ZNF385B: variants seen among roughly 807,000 people sequenced by gnomAD.
ZNF385B encodes the protein zinc finger protein 533.
A neutral mutation model predicts 39.2 loss-of-function variants in ZNF385B; 23 were observed. The observed-to-expected ratio is 0.59, with a 90% CI of 0.42 to 0.83. The LOEUF is 0.83. Ranked by LOEUF, ZNF385B falls within the 40% of genes least tolerant of loss-of-function variation. The probability of loss-of-function intolerance (pLI) is 0.00; values close to 1 mark genes in which losing one functional copy is unlikely to be tolerated. For synonymous variants in ZNF385B, 205 were observed against 222.6 expected (o/e 0.92, Z 0.70); for missense variants, 552 against 598.9 (o/e 0.92, Z 0.82).
At chr2:179,624,362 G>A (rs187777620) in intron 3 of ZNF385B, among the ~76,000 whole-genome samples, 3 of 152,206 alleles carry the variant, frequency 2.0e-5, no homozygotes, top group East Asian at 1.9e-4. Flanking sequence ...CTTTCAAGGT[G>A]TAGAAGTGAT....
intron 5 of ZNF385B, among the ~76,000 whole-genome samples, chr2:179,492,393 G>T (rs1017466808): frequency 1.2e-4 from 18 of 152,088 alleles, no homozygotes; most frequent in African/African-American, 4.1e-4. Flanking sequence ...TCTTCTGATG[G>T]TCTTTTAAAT....
At chr2:179,516,788 C>G (rs1415004585) in intron 5 of ZNF385B, among the ~76,000 whole-genome samples, 2 of 152,026 alleles carry the variant, frequency 1.3e-5, no homozygotes, top group Non-Finnish European at 2.9e-5. Flanking sequence ...AATATTCACA[C>G]TTCTTTATTT....
chr2:179,662,362 T>TTA (rs1173234011), intron 3 of ZNF385B, among the ~76,000 whole-genome samples: 1 of 151,326 alleles, frequency 6.6e-6, no homozygotes, highest in African/African-American at 2.4e-5. Flanking sequence ...TGGGTAATTT[T>TTA]TTTTTTTTTT....
At chr2:179,496,777 G>A (rs1350837318) in intron 5 of ZNF385B, among the ~76,000 whole-genome samples, 2 of 152,206 alleles carry the variant, frequency 1.3e-5, no homozygotes, top group East Asian at 1.9e-4. Context: ...GGCCAGGAGT[G>A]TTGGCTCATG....
intron 3 of ZNF385B, among the ~76,000 whole-genome samples, chr2:179,602,284 C>T (rs1021735243): frequency 6.6e-5 from 10 of 152,172 alleles, no homozygotes; most frequent in African/African-American, 2.4e-4. Context: ...AAGGCTCTGT[C>T]GCCCTGGGTT....
At chr2:179,835,841 A>T (rs765813807) in intron 1 of ZNF385B, among the ~76,000 whole-genome samples, 16 of 152,054 alleles carry the variant, frequency 1.1e-4, no homozygotes, top group Non-Finnish European at 2.1e-4. Context: ...CACTTCTGGC[A>T]CATGTCTCAG....
chr2:179,640,017 A>G lies in ZNF385B; in HGVS notation c.299-95048T>C, dbSNP rs573867982. 3.3e-5 allele frequency among the ~76,000 whole-genome samples: 5 copies of G among 152,318 alleles called. No individual in the cohort carries two copies. In the South Asian group the frequency reaches 1.0e-3, roughly 32 times the overall value. ...ATCTTAATCTAATCATGAGGAAAGAATCAAACAAATCCAAAAGGAAGGACA... is the reference window on the plus strand; with the variant it reads ...ATCTTAATCTAATCATGAGGAAAGAGTCAAACAAATCCAAAAGGAAGGACA... On this transcript the variant is annotated intron_variant, in intron 3 of 9. Transcript: ENST00000410066.
In ZNF385B at chr2:179,722,393, GACAA is replaced by G. The variant is rs368024717; in HGVS notation, c.298+47106_298+47109del. 5.0e-3 allele frequency among the ~76,000 whole-genome samples: 754 copies of G among 152,098 alleles called. 11 individuals carry two copies. The highest frequency in any genetic ancestry group is 0.017 in the African/African-American group (715 of 41,526). On this transcript the variant is annotated intron_variant, in intron 3 of 9. Coordinates refer to ENST00000410066, the MANE Select transcript of ZNF385B (RefSeq NM_152520.6). ...TAACATATTATGACATTGGTGTAGA[GACAA>G]ACAATTCAATGGAATGGAATAGAGT... is the stretch of plus-strand genomic sequence containing the variant.
chr2:179,450,327 G>A (rs2049977136), intron 6 of ZNF385B, among the ~76,000 whole-genome samples: 1 of 152,128 alleles, frequency 6.6e-6, no homozygotes, highest in South Asian at 2.1e-4. Flanking sequence ...CCTACAGAAT[G>A]GGAGAAAATA....
intron 3 of ZNF385B, among the ~76,000 whole-genome samples, chr2:179,739,846 C>G (rs565260444): frequency 5.7e-4 from 87 of 152,250 alleles, no homozygotes; most frequent in Middle Eastern, 6.8e-3. Context: ...GAGCCCATTA[C>G]AGGATTTCTA....
At chr2:179,503,878 CTT>C (rs534423777) in intron 5 of ZNF385B, among the ~76,000 whole-genome samples, 16 of 120,306 alleles carry the variant, frequency 1.3e-4, no homozygotes, top group African/African-American at 3.8e-4. Flanking sequence ...TTTTTTCATT[CTT>C]TTTTTTTTTT....
At chr2:179,803,255 T>C (rs1015759932) in intron 1 of ZNF385B, among the ~76,000 whole-genome samples, 1 of 152,166 alleles carries the variant, frequency 6.6e-6, no homozygotes, top group Non-Finnish European at 1.5e-5. Context: ...ACAGGGCATA[T>C]GTCTTCTAAG....
chr2:179,670,567 T>G (rs1034655413), intron 3 of ZNF385B, among the ~76,000 whole-genome samples: 3 of 152,168 alleles, frequency 2.0e-5, no homozygotes, highest in Non-Finnish European at 2.9e-5. Flanking sequence ...TAATGTACAT[T>G]TATATAATTT....
intron 3 of ZNF385B, among the ~76,000 whole-genome samples, chr2:179,739,587 C>G (rs1394136073): frequency 1.3e-5 from 2 of 152,148 alleles, no homozygotes; most frequent in Admixed American, 6.6e-5. Context: ...CTTTTTACAG[C>G]TTAGACGGAG....
chr2:179,566,646 CTA>C (rs1684613009), intron 3 of ZNF385B, among the ~76,000 whole-genome samples: 2 of 152,230 alleles, frequency 1.3e-5, no homozygotes, highest in South Asian at 4.2e-4. Context: ...TGGAAGTCCT[CTA>C]TAAAGTCCAC....
chr2:179,623,012 A>G (rs1690345638), intron 3 of ZNF385B, among the ~76,000 whole-genome samples: 1 of 152,196 alleles, frequency 6.6e-6, no homozygotes, highest in African/African-American at 2.4e-5. Context: ...AAATATAAGC[A>G]CCAACAAAAG....
At chr2:179,721,050 T>C (rs1700669488) in intron 3 of ZNF385B, among the ~76,000 whole-genome samples, 1 of 144,640 alleles carries the variant, frequency 6.9e-6, no homozygotes, top group Admixed American at 7.4e-5. Context: ...ACTACAGAAA[T>C]GAGCCACTAT....
chr2:179,784,539 C>T (rs1032269415), intron 1 of ZNF385B, among the ~76,000 whole-genome samples: 33 of 152,014 alleles, frequency 2.2e-4, no homozygotes, highest in African/African-American at 8.0e-4. Flanking sequence ...AGAGACAACT[C>T]CCAGAGTGGA....
At chr2:179,619,068 C>T (rs11893967) in intron 3 of ZNF385B, among the ~76,000 whole-genome samples, 1 of 152,092 alleles carries the variant, frequency 6.6e-6, no homozygotes. Context: ...TGACTCAGCC[C>T]CAGGACAAAA....
Sources: allele counts gnomAD v4.1 joint callset (sites outside exome capture counted in the v4.1 genomes callset), GRCh38; gene constraint gnomAD v4.1.1; transcripts MANE v1.5; gene names NCBI Gene and HGNC (gene_info 2026-07-23, HGNC 2026-07-21).